ASTN2: variants seen among roughly 807,000 people sequenced by gnomAD.
The protein encoded by ASTN2 is astrotactin-2.
ASTN2 carries 54 observed loss-of-function variants against 139.8 expected under a neutral mutation model. The observed-to-expected ratio is 0.39, with a 90% CI of 0.31 to 0.48. ASTN2 has a LOEUF of 0.48. Ranked by LOEUF, ASTN2 falls within the 20% of genes least tolerant of loss-of-function variation. The pLI is 0.95. For synonymous variants in ASTN2, 756 were observed against 719.5 expected, an observed-to-expected ratio of 1.05 and a Z score of -0.81; for missense variants, 1,565 against 1,725.1, an observed-to-expected ratio of 0.91 and a Z score of 1.64.
At chr9:116,793,384 A>G (rs1368943762) in intron 13 of ASTN2, among the ~76,000 whole-genome samples, 1 of 152,204 alleles carries the variant, frequency 6.6e-6, no homozygotes, top group Non-Finnish European at 1.5e-5. Flanking sequence ...ACACAGACAG[A>G]AATCCCTGCC....
At chr9:116,671,359 G>C (rs1275040006) in intron 16 of ASTN2, among the ~76,000 whole-genome samples, 1 of 152,052 alleles carries the variant, frequency 6.6e-6, no homozygotes, top group African/African-American at 2.4e-5. Context: ...CACTTACCAA[G>C]TATCAGGTAT....
intron 19 of ASTN2, among the ~76,000 whole-genome samples, chr9:116,567,781 T>G (rs10983236): frequency 0.42 from 63,372 of 151,994 alleles, 13,725 homozygotes; most frequent in Admixed American, 0.5. Context: ...ATTGAATAAC[T>G]GCTAGTTATT....
At chr9:116,880,999 A>G (rs1196712349) in intron 10 of ASTN2, among the ~76,000 whole-genome samples, 1 of 152,204 alleles carries the variant, frequency 6.6e-6, no homozygotes, top group Non-Finnish European at 1.5e-5. Flanking sequence ...CTGGCTAGAG[A>G]AGGCTTTCTA....
chr9:117,186,069 A>G (rs746795385), intron 3 of ASTN2, among the ~76,000 whole-genome samples: 1 of 152,216 alleles, frequency 6.6e-6, no homozygotes, highest in Non-Finnish European at 1.5e-5. Context: ...AATACAAACC[A>G]GGTACATGAC....
At chr9:116,435,659 G>C (rs1193255982) in intron 22 of ASTN2, among the ~76,000 whole-genome samples, 1 of 152,116 alleles carries the variant, frequency 6.6e-6, no homozygotes, top group Non-Finnish European at 1.5e-5. Flanking sequence ...CTTCCACCTG[G>C]AGGACCCTTC....
chr9:117,215,672 A>G (rs543554769), intron 2 of ASTN2, among the ~76,000 whole-genome samples: 52 of 151,990 alleles, frequency 3.4e-4, no homozygotes, highest in Non-Finnish European at 5.1e-4. Context: ...AATCCCCATA[A>G]CACCTGTCAT....
intron 5 of ASTN2, among the ~76,000 whole-genome samples, chr9:117,082,527 A>G (rs746052452): frequency 2.6e-5 from 4 of 152,204 alleles, no homozygotes; most frequent in Non-Finnish European, 4.4e-5. Context: ...CAGAAATGAA[A>G]TAATAGATCC....
In ASTN2 at chr9:116,699,806, G is replaced by A; in HGVS notation, c.2806+25965C>T. On this transcript the variant is annotated intron_variant, in intron 16 of 22. Coordinates refer to ENST00000313400, the MANE Select transcript of ASTN2 (RefSeq NM_001365068.1). The surrounding 1 kb of genome is among the most constrained non-coding windows in gnomAD (Gnocchi z 4.2). ...GCAGAATAGACTCAGCCTATGTCCT[G>A]ATTCCAGCTGGGTAGTTCTAGAACT... is the stretch of plus-strand genomic sequence containing the variant. 6.6e-7 allele frequency: 1 copy of A among 1,517,578 alleles called. No homozygotes were observed. Among genetic ancestry groups the A allele is most frequent in the Non-Finnish European group, 9.1e-7 (1 of 1,100,398 alleles). 94.0% of individuals were successfully genotyped at this position (1,517,578 alleles called of 1,614,324 possible). A position where few individuals can be genotyped will look rare whatever the true frequency, so the allele number is the denominator to read the frequency against.
intron 4 of ASTN2, among the ~76,000 whole-genome samples, chr9:117,126,897 C>T (rs952585089): frequency 1.3e-5 from 2 of 152,154 alleles, no homozygotes; most frequent in Admixed American, 6.5e-5. Flanking sequence ...ACTGAGTAGA[C>T]ATTCAGCTGA....
intron 2 of ASTN2, among the ~76,000 whole-genome samples, chr9:117,258,879 T>C (rs1191784922): frequency 1.3e-5 from 2 of 152,280 alleles, no homozygotes; most frequent in East Asian, 1.9e-4. Context: ...ACCAAAGTAG[T>C]AGATCCTGAA....
intron 13 of ASTN2, among the ~76,000 whole-genome samples, chr9:116,765,889 A>G (rs1286201423): frequency 6.6e-6 from 1 of 152,134 alleles, no homozygotes; most frequent in Non-Finnish European, 1.5e-5. Context: ...TTAACCTGTT[A>G]ATTTTTAGAA....
chr9:117,242,614 G>A (rs936229956), intron 2 of ASTN2, among the ~76,000 whole-genome samples: 2 of 152,248 alleles, frequency 1.3e-5, no homozygotes, highest in East Asian at 1.9e-4. Flanking sequence ...GAGACATCAT[G>A]GAGGGTTTAG....
At chr9:116,758,840 T>C (rs866516524) in intron 13 of ASTN2, among the ~76,000 whole-genome samples, 5 of 152,174 alleles carry the variant, frequency 3.3e-5, no homozygotes, top group Non-Finnish European at 5.9e-5. Context: ...AGTATAGTGC[T>C]TGGCTTAGTG....
At chr9:117,292,288 T>A (rs1834614028) in intron 1 of ASTN2, among the ~76,000 whole-genome samples, 1 of 152,214 alleles carries the variant, frequency 6.6e-6, no homozygotes, top group South Asian at 2.1e-4. Context: ...CTTCTGTAAA[T>A]ACTTTTAAAG....
At chr9:116,463,141 C>T (rs558730250) in intron 20 of ASTN2, among the ~76,000 whole-genome samples, 4 of 152,224 alleles carry the variant, frequency 2.6e-5, no homozygotes, top group Non-Finnish European at 5.9e-5. Context: ...ATGTACCCGC[C>T]TTTTTCTCCA....
intron 5 of ASTN2, among the ~76,000 whole-genome samples, chr9:117,060,721 G>A (rs1198584439): frequency 1.3e-5 from 2 of 151,560 alleles, no homozygotes; most frequent in African/African-American, 2.4e-5. Flanking sequence ...GTGAAACCCC[G>A]TCTCCACTAA....
chr9:116,715,245 G>A (rs1828280375), intron 16 of ASTN2, among the ~76,000 whole-genome samples: 1 of 152,186 alleles, frequency 6.6e-6, no homozygotes, highest in African/African-American at 2.4e-5. Context: ...GTTCTCAGCT[G>A]TGGACAGAGG....
intron 11 of ASTN2, among the ~76,000 whole-genome samples, chr9:116,829,400 C>A (rs902938693): frequency 6.6e-6 from 1 of 151,520 alleles, no homozygotes; most frequent in African/African-American, 2.4e-5. Flanking sequence ...AAAGTACACA[C>A]TGGTAAAATG....
At chr9:116,443,425 C>T (rs1428317785) in intron 20 of ASTN2, among the ~76,000 whole-genome samples, 8 of 152,146 alleles carry the variant, frequency 5.3e-5, no homozygotes, top group African/African-American at 1.9e-4. Context: ...AGGCATATCC[C>T]CACCTTTCTA....
Sources: allele counts gnomAD v4.1 joint callset (sites outside exome capture counted in the v4.1 genomes callset), GRCh38; gene constraint gnomAD v4.1.1; non-coding constraint Gnocchi (gnomAD v3.1); transcripts MANE v1.5; gene names NCBI Gene and HGNC (gene_info 2026-07-23, HGNC 2026-07-21).